The following RAP1GAP2 variants were observed in gnomAD, a reference collection of about 807,000 sequenced individuals.
RAP1GAP2 encodes the protein rap1 GTPase-activating protein 2.
In RAP1GAP2, 27 loss-of-function variants were observed where a neutral mutation model predicts 95.0. The ratio of observed to expected loss-of-function variants is 0.28; its 90% CI spans 0.21 to 0.39. The LOEUF is 0.39. Ranked by LOEUF, RAP1GAP2 falls within the 10% of genes least tolerant of loss-of-function variation. RAP1GAP2 has a pLI of 1.00. For synonymous variants in RAP1GAP2, 373 were observed against 380.9 expected (o/e 0.98, Z 0.24); for missense variants, 771 against 970.0 (o/e 0.79, Z 2.72).
chr17:2,775,485 G>A (rs2151439165), upstream of RAP1GAP2, among the ~76,000 whole-genome samples: 1 of 152,004 alleles, frequency 6.6e-6, no homozygotes, highest in Non-Finnish European at 1.5e-5. Flanking sequence ...TAAGTGGGTG[G>A]TGGGGAGGGG....
In RAP1GAP2 at chr17:2,825,832, G is replaced by A. The variant is rs1363589595; in HGVS notation, c.80+25282G>A. Reference sequence around the variant, plus strand: ...GGAAACAGACATTTAACAGTCATCTGCAAAGCATGAGGCAGTGCCAATAGA... The same window carrying A: ...GGAAACAGACATTTAACAGTCATCTACAAAGCATGAGGCAGTGCCAATAGA... On this transcript the variant is annotated intron_variant, in intron 2 of 24. Transcript: ENST00000254695. This position sits in a 1 kb window ranked among gnomAD's most constrained non-coding sequence, Gnocchi z 4.1. Among the ~76,000 whole-genome samples the A allele has an allele frequency of 2.6e-5, 4 of 152,098 alleles. No individual in the cohort carries two copies. The highest frequency in any genetic ancestry group is 9.7e-5 in the African/African-American group (4 of 41,418).
At chr17:2,897,611 C>T (rs747984442) in intron 2 of RAP1GAP2, among the ~76,000 whole-genome samples, 9 of 152,070 alleles carry the variant, frequency 5.9e-5, no homozygotes, top group Non-Finnish European at 1.0e-4. Context: ...CTGCCCACCT[C>T]AGCCTCCCAA....
At chr17:2,955,054 G>A (rs139355023) in intron 3 of RAP1GAP2, among the ~76,000 whole-genome samples, 3 of 152,294 alleles carry the variant, frequency 2.0e-5, no homozygotes, top group East Asian at 3.9e-4. Flanking sequence ...TGTACCCACC[G>A]TTTGGCAAGA....
At chr17:2,998,138 A>C (rs1479784256) in intron 13 of RAP1GAP2, 83 bp from the exon 14 acceptor site, 2 of 1,445,122 alleles carry the variant, frequency 1.4e-6, no homozygotes, top group Non-Finnish European at 1.9e-6. Flanking sequence ...CTGTGTGCAA[A>C]GGAAAGTGAA....
intron 8 of RAP1GAP2, among the ~76,000 whole-genome samples, chr17:2,970,819 C>G (rs1459284146): frequency 6.6e-6 from 1 of 151,948 alleles, no homozygotes; most frequent in Non-Finnish European, 1.5e-5. Context: ...GCGGGAGGAT[C>G]ACTTGAGCCC....
chr17:2,808,744 G>T (rs2069627635), intron 2 of RAP1GAP2, among the ~76,000 whole-genome samples: 1 of 152,184 alleles, frequency 6.6e-6, no homozygotes. Context: ...GCAGACTCTG[G>T]TTCGTTGATT....
chr17:2,981,082 CCT>C, intron 9 of RAP1GAP2, 111 bp from the exon 10 acceptor site: 1 of 910,650 alleles, frequency 1.1e-6, no homozygotes, highest in Non-Finnish European at 1.7e-6. Flanking sequence ...CCCGCCCAGG[CCT>C]CCTGACCCAT....
chr17:2,957,053 G>T (rs553593123), intron 3 of RAP1GAP2, among the ~76,000 whole-genome samples: 1 of 151,834 alleles, frequency 6.6e-6, no homozygotes, highest in African/African-American at 2.4e-5. Context: ...GCGTGAACCC[G>T]GGAGGCGGAG....
At chr17:2,792,154 C>T (rs2068942319), upstream of RAP1GAP2, among the ~76,000 whole-genome samples, 1 of 152,292 alleles carries the variant, frequency 6.6e-6, no homozygotes, top group African/African-American at 2.4e-5. Flanking sequence ...GACAGTGCGC[C>T]TGGCCGCTTC....
At chr17:2,815,456 A>ATGATATTATTAT (rs1555546763) in intron 2 of RAP1GAP2, among the ~76,000 whole-genome samples, 2 of 140,138 alleles carry the variant, frequency 1.4e-5, no homozygotes, top group Non-Finnish European at 3.1e-5. Context: ...AACATCTCTG[A>ATGATATTATTAT]TATTATTATT....
chr17:2,820,417 T>TC (rs1310455956), intron 2 of RAP1GAP2, among the ~76,000 whole-genome samples: 1 of 151,976 alleles, frequency 6.6e-6, no homozygotes, highest in Non-Finnish European at 1.5e-5. Context: ...GGTCAGGAGC[T>TC]CGAGACCAGC....
At chr17:2,915,548 A>G (rs867759316) in intron 3 of RAP1GAP2, among the ~76,000 whole-genome samples, 3 of 151,930 alleles carry the variant, frequency 2.0e-5, no homozygotes, top group Non-Finnish European at 2.9e-5. Flanking sequence ...TTCTTTTCTT[A>G]ACGGTGTCTT....
At chr17:2,990,387 T>C (rs1413028720) in intron 11 of RAP1GAP2, among the ~76,000 whole-genome samples, 2 of 152,230 alleles carry the variant, frequency 1.3e-5, no homozygotes, top group Admixed American at 6.5e-5. Context: ...CCAGATCATA[T>C]GGTGACTCTG....
chr17:2,980,231 C>T, intron 8 of RAP1GAP2, 56 bp from the exon 9 acceptor site: 1 of 1,564,052 alleles, frequency 6.4e-7, no homozygotes, highest in African/African-American at 1.3e-5. Flanking sequence ...GCACGAGTCC[C>T]CGCGCCCTCA....
chr17:2,764,494 G>A (rs1374597147), intron 1 of RAP1GAP2, among the ~76,000 whole-genome samples: 3 of 151,972 alleles, frequency 2.0e-5, no homozygotes, highest in Admixed American at 6.6e-5. Context: ...AAGCCGAGGC[G>A]GGTGGATCAT....
In RAP1GAP2 at chr17:2,891,488, G is replaced by A. The variant is rs1878720009; in HGVS notation, c.81-13796G>A. On this transcript the variant is annotated intron_variant, in intron 2 of 24. Coordinates refer to ENST00000254695, the MANE Select transcript of RAP1GAP2 (RefSeq NM_015085.5). ...TCTACCACAATTACTTTAATAGATG[G>A]CCCCTCCCTACCCTCCCCCATCTCC... 2.0e-5 allele frequency among the ~76,000 whole-genome samples: 3 copies of A among 151,296 alleles called. No individual in the cohort carries two copies. The Admixed American group carries it at 2.0e-4, about 10-fold the overall frequency.
intron 2 of RAP1GAP2, among the ~76,000 whole-genome samples, chr17:2,860,309 C>T (rs1311220769): frequency 6.6e-6 from 1 of 152,130 alleles, no homozygotes; most frequent in Non-Finnish European, 1.5e-5. Flanking sequence ...GGTGGGCTGT[C>T]GTTGCTTTAA....
At chr17:2,995,498 A>G (rs758192126) in intron 13 of RAP1GAP2, 32 bp downstream of exon 13, 2 of 1,611,666 alleles carry the variant, frequency 1.2e-6, no homozygotes, top group African/African-American at 1.3e-5. Context: ...TTGGGAGCCC[A>G]GGGCGGGCGA....
chr17:2,767,947 T>C (rs1597271990), intron 1 of RAP1GAP2, among the ~76,000 whole-genome samples: 2 of 152,280 alleles, frequency 1.3e-5, no homozygotes, highest in South Asian at 4.1e-4. Flanking sequence ...TTAGCCAGGA[T>C]GGTTTCAATC....
Sources: allele counts gnomAD v4.1 joint callset (sites outside exome capture counted in the v4.1 genomes callset), GRCh38; gene constraint gnomAD v4.1.1; non-coding constraint Gnocchi (gnomAD v3.1); transcripts MANE v1.5; gene names NCBI Gene and HGNC (gene_info 2026-07-23, HGNC 2026-07-21).